OSBPL11: variants seen among roughly 807,000 people sequenced by gnomAD.
OSBPL11 encodes oxysterol binding protein like 11, also known as oxysterol-binding protein-related protein 11.
In OSBPL11, 33 loss-of-function variants were observed where a neutral mutation model predicts 84.4. The ratio of observed to expected loss-of-function variants is 0.39; its 90% CI spans 0.30 to 0.52. The LOEUF (loss-of-function observed/expected upper bound fraction) is 0.52. Ranked by LOEUF, OSBPL11 falls within the 20% of genes least tolerant of loss-of-function variation. The pLI is 0.72. For missense variants in OSBPL11, 736 were observed against 901.1 expected, an observed-to-expected ratio of 0.82 and a Z score of 2.35; for synonymous variants, 276 against 310.2, an observed-to-expected ratio of 0.89 and a Z score of 1.16.
chr3:125,569,831 CTA>C (rs771507868), intron 5 of OSBPL11, among the ~76,000 whole-genome samples: 2 of 152,188 alleles, frequency 1.3e-5, no homozygotes, highest in Non-Finnish European at 2.9e-5. Flanking sequence ...GGAGTACATA[CTA>C]TATGATTCCA....
At chr3:125,547,939 G>A (rs566792616) in intron 9 of OSBPL11, among the ~76,000 whole-genome samples, 6 of 152,106 alleles carry the variant, frequency 3.9e-5, no homozygotes, top group South Asian at 4.2e-4. Context: ...GTGCAGTGGC[G>A]TGATCTTGGC....
intron 1 of OSBPL11, among the ~76,000 whole-genome samples, chr3:125,584,329 G>A (rs530005790): frequency 1.4e-4 from 22 of 152,094 alleles, no homozygotes; most frequent in Non-Finnish European, 3.1e-4. Context: ...CTGCACCACT[G>A]CACTCCAACC....
chr3:125,563,042 T>C (rs1307645986), intron 7 of OSBPL11, among the ~76,000 whole-genome samples: 3 of 151,850 alleles, frequency 2.0e-5, no homozygotes, highest in Non-Finnish European at 4.4e-5. Context: ...CAATAGACTA[T>C]TTCAAGCTTT....
intron 9 of OSBPL11, among the ~76,000 whole-genome samples, chr3:125,547,962 CCGACTCCTGGGT>C (rs1935843706): frequency 1.3e-5 from 2 of 152,098 alleles, no homozygotes; most frequent in Admixed American, 6.6e-5. Flanking sequence ...ACTGCAACCT[CCGACTCCTGGGT>C]CGAATGATTC....
intron 11 of OSBPL11, among the ~76,000 whole-genome samples, chr3:125,537,094 A>C (rs1479286537): frequency 6.6e-6 from 1 of 150,578 alleles, no homozygotes; most frequent in South Asian, 2.1e-4. Context: ...TAGGAGGTGG[A>C]AGTTGCAGGG....
chr3:125,544,196 C>T (rs1935777274), intron 10 of OSBPL11, among the ~76,000 whole-genome samples: 1 of 151,496 alleles, frequency 6.6e-6, no homozygotes, highest in Non-Finnish European at 1.5e-5. Context: ...GCTGGGATTA[C>T]AGGCATGCAC....
chr3:125,551,700 C>G (rs1935910628), intron 9 of OSBPL11, among the ~76,000 whole-genome samples: 1 of 151,990 alleles, frequency 6.6e-6, no homozygotes, highest in South Asian at 2.1e-4. Flanking sequence ...ATCGCTTGAA[C>G]CTGGGAGGCG....
chr3:125,575,035 C>CTAT (rs1321411133), intron 5 of OSBPL11, among the ~76,000 whole-genome samples: 1 of 152,132 alleles, frequency 6.6e-6, no homozygotes, highest in Non-Finnish European at 1.5e-5. Context: ...TCTAAAAAGG[C>CTAT]TATTACATGT....
intron 5 of OSBPL11, among the ~76,000 whole-genome samples, chr3:125,572,173 G>A (rs1026694747): frequency 6.6e-6 from 1 of 152,240 alleles, no homozygotes; most frequent in African/African-American, 2.4e-5. Context: ...GACTTGCATG[G>A]GGCCTGTAGC....
Position 125,592,989 on chromosome 3 carries a change from AG to A in OSBPL11, c.164+1647del, listed in dbSNP as rs777959074. ...TGTGACACAAAACTATAACAAGAGA[AG>A]AAAAAACTCATTAGACTTCATGAAA... On this transcript the variant is annotated intron_variant, in intron 1 of 12. Transcript: ENST00000296220. 1.1e-4 allele frequency among the ~76,000 whole-genome samples: 17 copies of A among 152,332 alleles called. 1 individual carries two copies. Among genetic ancestry groups the A allele is most frequent in the Non-Finnish European group, 1.9e-4 (13 of 68,032 alleles).
chr3:125,550,962 C>T (rs2107594771), intron 9 of OSBPL11, among the ~76,000 whole-genome samples: 1 of 152,082 alleles, frequency 6.6e-6, no homozygotes, highest in Non-Finnish European at 1.5e-5. Context: ...GAGTTCATGA[C>T]CAGCCTGGGC....
chr3:125,560,129 TG>T (rs1248921807), intron 8 of OSBPL11, among the ~76,000 whole-genome samples: 2 of 151,760 alleles, frequency 1.3e-5, no homozygotes, highest in Non-Finnish European at 2.9e-5. Context: ...GGCATGGTGG[TG>T]GGCACCTGTA....
Position 125,529,374 on chromosome 3 carries a change from C to A in OSBPL11, c.*1141G>T, listed in dbSNP as rs540925535. The A allele has an allele frequency of 9.2e-5, 14 of 152,110 alleles. No individual in the cohort carries two copies. The highest frequency in any genetic ancestry group is 2.1e-4 in the Non-Finnish European group (14 of 68,000). The allele number at this position is 152,110 out of a possible 1,614,324, so 9.4% of individuals were successfully genotyped here. On this transcript the variant is annotated 3_prime_UTR_variant, in exon 13 of 13. Coordinates refer to ENST00000296220, the MANE Select transcript of OSBPL11 (RefSeq NM_022776.5). ...ATACTTATTTAAAAAAAGATTTGTACCTGAATACAACTTCCTGATCTTTTT... is the reference window on the plus strand; with the variant it reads ...ATACTTATTTAAAAAAAGATTTGTAACTGAATACAACTTCCTGATCTTTTT...
rs147985882 is a variant in OSBPL11 at position 125,533,118 on chromosome 3, C to T, written c.2025-1104G>A. Among the ~76,000 whole-genome samples, 18 of 152,042 alleles carry T rather than the reference C, an allele frequency of 1.2e-4. No homozygotes were observed. In the East Asian group the frequency reaches 2.9e-3, roughly 24 times the overall value. On this transcript the variant is annotated intron_variant, in intron 11 of 12. Transcript: ENST00000296220. ...TATTTATGGTAATGACTGTACTACT[C>T]GAGAAAGTTACTAAACATCTGTTTT...
At chr3:125,571,076 G>A (rs10934717) in intron 5 of OSBPL11, among the ~76,000 whole-genome samples, 10,194 of 152,272 alleles carry the variant, frequency 0.067, 467 homozygotes, top group Non-Finnish European at 0.098. Flanking sequence ...ATGGACAATA[G>A]TGTCCAGGCT....
In OSBPL11 at chr3:125,552,395, T is replaced by C. The variant is rs768287616; in HGVS notation, c.1440A>G (p.Gly480=). Residue 480 remains glycine (G), a synonymous_variant, in exon 9 of 13, where the codon GGA becomes GGG. Transcript: ENST00000296220. ...SSVFSSSSTQ[G]VTNHAPLSGE... The stretch of plus-strand genomic sequence containing the variant: ...CCGATAAAGGAGCATGATTTGTGAC[T>C]CCCTGGGTGGAAGAACTGCTAAAAA... 1.4e-5 allele frequency: 23 copies of C among 1,614,032 alleles called. No individual in the cohort carries two copies. The highest frequency in any genetic ancestry group is 1.9e-5 in the Non-Finnish European group (22 of 1,180,030).
At chr3:125,563,573 G>T in intron 7 of OSBPL11, 125 bp downstream of exon 7, 2 of 894,090 alleles carry the variant, frequency 2.2e-6, no homozygotes, top group Non-Finnish European at 1.7e-6. Flanking sequence ...AAATGTTTTA[G>T]AATCTTCAAG....
At chr3:125,594,257 C>T (rs1444035815) in intron 1 of OSBPL11, among the ~76,000 whole-genome samples, 2 of 152,216 alleles carry the variant, frequency 1.3e-5, no homozygotes, top group African/African-American at 4.8e-5. Context: ...GTATTTGCTA[C>T]CCTCTCGAGA....
chr3:125,536,021 G>A (rs1027965400), intron 11 of OSBPL11, among the ~76,000 whole-genome samples: 3 of 151,556 alleles, frequency 2.0e-5, no homozygotes, highest in Non-Finnish European at 4.4e-5. Context: ...TGTAATCCCA[G>A]CTACTTGGGA....
Sources: allele counts gnomAD v4.1 joint callset (sites outside exome capture counted in the v4.1 genomes callset), GRCh38; gene constraint gnomAD v4.1.1; transcripts MANE v1.5; gene names NCBI Gene and HGNC (gene_info 2026-07-23, HGNC 2026-07-21).